SNAP91: variants seen among roughly 807,000 people sequenced by gnomAD.
SNAP91 encodes the protein synaptosome associated protein 91.
A neutral mutation model predicts 100.3 loss-of-function variants in SNAP91; 27 were observed. The observed-to-expected ratio is 0.27, with a 90% CI of 0.20 to 0.37. The LOEUF is 0.37. SNAP91 is among the 10% of genes least tolerant of loss of function. SNAP91 has a pLI of 1.00. For synonymous variants in SNAP91, 404 were observed against 398.6 expected, an observed-to-expected ratio of 1.01 and a Z score of -0.16; for missense variants, 986 against 1,123.7, an observed-to-expected ratio of 0.88 and a Z score of 1.75.
chr6:83,659,113 A>G, intron 5 of SNAP91, 21 bp from the exon 6 acceptor site: 1 of 1,476,338 alleles, frequency 6.8e-7, no homozygotes, highest in South Asian at 1.2e-5. Context: ...AAAAAAAAAA[A>G]AGGTACAATT....
intron 22 of SNAP91, among the ~76,000 whole-genome samples, chr6:83,590,567 A>T (rs937352293): frequency 2.0e-5 from 3 of 152,066 alleles, no homozygotes; most frequent in Non-Finnish European, 4.4e-5. Flanking sequence ...AAAAACAAAA[A>T]ACAAAAACAG....
chr6:83,669,153 A>G (rs1402396101), intron 2 of SNAP91, among the ~76,000 whole-genome samples: 1 of 152,112 alleles, frequency 6.6e-6, no homozygotes, highest in Non-Finnish European at 1.5e-5. Flanking sequence ...TCGAACCATC[A>G]TAGGTCATGG....
intron 22 of SNAP91, among the ~76,000 whole-genome samples, chr6:83,589,670 A>G (rs182262888): frequency 6.6e-6 from 1 of 152,270 alleles, no homozygotes; most frequent in East Asian, 1.9e-4. Context: ...GAAAGACACT[A>G]GAGAACTATT....
At chr6:83,688,055 T>C (rs1244347217) in intron 2 of SNAP91, among the ~76,000 whole-genome samples, 1 of 152,192 alleles carries the variant, frequency 6.6e-6, no homozygotes, top group African/African-American at 2.4e-5. Context: ...GACTCCATTA[T>C]GGGCCAAGAT....
intron 2 of SNAP91, among the ~76,000 whole-genome samples, chr6:83,681,531 T>C (rs2098989425): frequency 2.6e-5 from 4 of 151,888 alleles, no homozygotes; most frequent in Admixed American, 2.6e-4. Flanking sequence ...AGAAGATTCA[T>C]CTATAGTTTA....
chr6:83,571,103 C>T (rs898784558), intron 26 of SNAP91, among the ~76,000 whole-genome samples: 4 of 151,814 alleles, frequency 2.6e-5, no homozygotes, highest in African/African-American at 9.7e-5. Context: ...ACCATGGGCG[C>T]CCACCTCTTT....
In SNAP91 at chr6:83,607,822, T is replaced by G. The variant is rs186565740; in HGVS notation, c.913-14A>C. ...GGCTGGAGAAGACTGAAAGTGAAGA[T>G]GCACAACACACTTGAGTCAAATATG... On this transcript the variant is annotated splice_polypyrimidine_tract_variant and intron_variant, in intron 12 of 29. Transcript: ENST00000369694. 1.3e-4 allele frequency: 195 copies of G among 1,485,348 alleles called. No homozygotes were observed. The East Asian group carries it at 4.5e-3, about 34-fold the overall frequency. The allele number at this position is 1,485,348 out of a possible 1,614,324, so 92.0% of individuals were successfully genotyped here.
At chr6:83,591,797 T>C (rs999144784) in intron 21 of SNAP91, among the ~76,000 whole-genome samples, 4 of 152,208 alleles carry the variant, frequency 2.6e-5, no homozygotes, top group African/African-American at 9.6e-5. Context: ...GTACGCATCA[T>C]GGAATGTCCA....
chr6:83,641,151 T>A lies in SNAP91; in HGVS notation c.710A>T (p.Tyr237Phe). Residue 237 changes from tyrosine (Y) to phenylalanine (F), a missense_variant, in exon 8 of 30, where the codon TAC (tyrosine) becomes TTC (phenylalanine). Around this residue, in one of 4 missense-constraint regions of SNAP91, gnomAD observed 330 missense variants for 447.5 expected, o/e 0.74. Transcript: ENST00000369694. ...KGQCKDALEI[Y>F]KRFLTRMTRV... ...TGTCATTCTAGTTAGAAATCGTTTG[T>A]AAATTTCTAGAGCATCTTTACATTG... is the stretch of plus-strand genomic sequence containing the variant. The A allele has an allele frequency of 6.5e-7, 1 of 1,545,550 alleles. No individual in the cohort carries two copies. Among genetic ancestry groups the A allele is most frequent in the Non-Finnish European group, 8.7e-7 (1 of 1,147,232 alleles).
chr6:83,680,350 T>C (rs1328169643), intron 2 of SNAP91, among the ~76,000 whole-genome samples: 1 of 152,110 alleles, frequency 6.6e-6, no homozygotes, highest in Non-Finnish European at 1.5e-5. Flanking sequence ...TAACTTCTGT[T>C]CTTGTTTTCA....
intron 8 of SNAP91, among the ~76,000 whole-genome samples, chr6:83,623,734 G>A (rs1450585085): frequency 6.6e-6 from 1 of 151,654 alleles, no homozygotes. Flanking sequence ...ACTCATTCAG[G>A]GTATAATTTC....
chr6:83,591,772 C>T (rs745807022), intron 21 of SNAP91, among the ~76,000 whole-genome samples: 2 of 152,146 alleles, frequency 1.3e-5, no homozygotes, highest in Non-Finnish European at 2.9e-5. Context: ...ACTGCAACAT[C>T]TTTGTATTCC....
intron 2 of SNAP91, among the ~76,000 whole-genome samples, chr6:83,694,112 T>A (rs1379875901): frequency 6.6e-6 from 1 of 152,228 alleles, no homozygotes; most frequent in Non-Finnish European, 1.5e-5. Flanking sequence ...TATAATCTAA[T>A]TTCCTTTTCC....
At chr6:83,683,366 G>A (rs1293117742) in intron 2 of SNAP91, among the ~76,000 whole-genome samples, 1 of 152,194 alleles carries the variant, frequency 6.6e-6, no homozygotes, top group Non-Finnish European at 1.5e-5. Flanking sequence ...AATGGAAGGT[G>A]TTTGGGCCTT....
intron 24 of SNAP91, among the ~76,000 whole-genome samples, 197 bp from the exon 25 acceptor site, chr6:83,576,250 A>C (rs1383078354): frequency 6.6e-6 from 1 of 152,196 alleles, no homozygotes; most frequent in African/African-American, 2.4e-5. Flanking sequence ...ACTTCATGTT[A>C]GACTTAAGGA....
rs1424738016 is a variant in SNAP91, at chr6:83,661,487, A to C, written c.452+15T>G. On this transcript the variant is annotated intron_variant, in intron 5 of 29. Transcript: ENST00000369694. ...TTATTCTCCTCTAATAAATATAAGA[A>C]AGACAAAAACATACCCTTTCTTCAC... The C allele has an allele frequency of 5.3e-6, 8 of 1,510,816 alleles. No individual in the cohort carries two copies. The highest frequency in any genetic ancestry group is 6.4e-6 in the Non-Finnish European group (7 of 1,100,504). 93.6% of individuals were successfully genotyped at this position (1,510,816 alleles called of 1,614,324 possible).
At chr6:83,607,938 A>T (rs2095744758) in intron 12 of SNAP91, 130 bp from the exon 13 acceptor site, 1 of 433,836 alleles carries the variant, frequency 2.3e-6, no homozygotes, top group Non-Finnish European at 4.2e-6. Flanking sequence ...TGGAGGAAAA[A>T]AAAACTCAAT....
chr6:83,697,276 T>C (rs902897927), intron 2 of SNAP91, among the ~76,000 whole-genome samples: 17 of 151,068 alleles, frequency 1.1e-4, no homozygotes, highest in Non-Finnish European at 2.5e-4. Context: ...AAAATGAATA[T>C]TGAAAAACAA....
At chr6:83,629,761 C>T (rs2097130584) in intron 8 of SNAP91, among the ~76,000 whole-genome samples, 1 of 151,944 alleles carries the variant, frequency 6.6e-6, no homozygotes, top group Admixed American at 6.6e-5. Context: ...CTGGAGGAGT[C>T]TTTAGGGTTT....
Sources: allele counts gnomAD v4.1 joint callset (sites outside exome capture counted in the v4.1 genomes callset), GRCh38; gene constraint gnomAD v4.1.1; regional missense constraint gnomAD v4.1.1; transcripts MANE v1.5; gene names NCBI Gene and HGNC (gene_info 2026-07-23, HGNC 2026-07-21).